The following NUDT7 variants were observed in gnomAD, a reference collection of about 807,000 sequenced individuals.
NUDT7 encodes peroxisomal coenzyme A diphosphatase NUDT7.
In NUDT7, 19 loss-of-function variants were observed where a neutral mutation model predicts 13.1. That is an observed-to-expected ratio of 1.45 (90% CI 1.01 to 2.13). The LOEUF (loss-of-function observed/expected upper bound fraction) is 2.13. NUDT7 is among the 30% of genes most tolerant of loss of function. NUDT7 has a pLI of 0.00. For synonymous variants in NUDT7, 132 were observed against 109.7 expected, an observed-to-expected ratio of 1.20 and a Z score of -1.27; for missense variants, 360 against 291.7, an observed-to-expected ratio of 1.23 and a Z score of -1.71.
chr16:77,727,646 G>A (rs1242139102), intron 2 of NUDT7, among the ~76,000 whole-genome samples: 3 of 152,256 alleles, frequency 2.0e-5, no homozygotes, highest in Non-Finnish European at 2.9e-5. Context: ...CCTGAGGTCA[G>A]GAGTTCGAGA....
intron 2 of NUDT7, among the ~76,000 whole-genome samples, chr16:77,731,302 A>G (rs921920411): frequency 1.3e-5 from 2 of 152,198 alleles, no homozygotes; most frequent in Admixed American, 6.5e-5. Flanking sequence ...ACCTTTCAAA[A>G]TACAGTCATG....
chr16:77,726,237 C>G (rs1462564687), intron 2 of NUDT7, among the ~76,000 whole-genome samples: 1 of 152,220 alleles, frequency 6.6e-6, no homozygotes, highest in African/African-American at 2.4e-5. Context: ...AGTCTTTTCA[C>G]TTGTAAAATG....
rs751745672 is a variant in NUDT7, at chr16:77,733,128, T to A, written c.190-2700T>A. Among the ~76,000 whole-genome samples, 537 of 152,226 alleles carry A rather than the reference T, an allele frequency of 3.5e-3. 2 individuals carry two copies. Among genetic ancestry groups the A allele is most frequent in the Non-Finnish European group, 5.4e-3 (368 of 68,002 alleles). ...CAGCACAGAAGGACTTAAAAAAAAA[T>A]TTTTAAGTCTTGCCCAAATGAGGCT... On this transcript the variant is annotated intron_variant, in intron 2 of 3. Coordinates refer to ENST00000268533, the MANE Select transcript of NUDT7 (RefSeq NM_001105663.3).
At chr16:77,740,791 G>A (rs562829374) in intron 3 of NUDT7, among the ~76,000 whole-genome samples, 42 of 151,632 alleles carry the variant, frequency 2.8e-4, no homozygotes, top group East Asian at 2.3e-3. Context: ...CAGGTGGTCC[G>A]CCCACCTCAG....
At chr16:77,723,224 G>C (rs761112026) in intron 1 of NUDT7, among the ~76,000 whole-genome samples, 4 of 152,102 alleles carry the variant, frequency 2.6e-5, no homozygotes, top group African/African-American at 9.7e-5. Context: ...GTGGTTTCCG[G>C]GTGGTTAAAA....
At position 77,741,716 on chromosome 16, in the gene NUDT7, T is replaced by G. The variant is rs2014668796; in HGVS notation, c.483T>G (p.His161Gln). The change falls in exon 4 of 4, where the codon CAT becomes CAG. Residue 161 changes from histidine to glutamine, a missense_variant. Transcript: ENST00000268533. ...TGCATCCACAGGTCCATGACCAGCATTACGTCACACGTCTTGGTCACCGTT... is the reference window on the plus strand; with the variant it reads ...TGCATCCACAGGTCCATGACCAGCAGTACGTCACACGTCTTGGTCACCGTT... ...YFLHPQVHDQ[H>Q]YVTRLGHRFI... is the part of the protein sequence containing the mutation. The G allele has an allele frequency of 1.2e-6, 2 of 1,614,034 alleles. No individual in the cohort carries two copies. The highest frequency in any genetic ancestry group is 1.7e-6 in the Non-Finnish European group (2 of 1,180,034).
intron 2 of NUDT7, among the ~76,000 whole-genome samples, chr16:77,727,012 C>T (rs539449853): frequency 1.2e-3 from 178 of 152,098 alleles, no homozygotes; most frequent in Non-Finnish European, 2.0e-3. Context: ...TAAATGGCCC[C>T]GGATCTCATG....
In NUDT7 at chr16:77,739,881, T is replaced by C. The variant is rs769076806; in HGVS notation, c.349-1701T>C. ...TGGGGAGCATGAAATCCCAGCTCCC[T>C]TGTCTCCATGTGGGACAAACTGCAT... On this transcript the variant is annotated intron_variant, in intron 3 of 3. Transcript: ENST00000268533. Among the ~76,000 whole-genome samples the C allele has an allele frequency of 5.9e-5, 9 of 152,134 alleles. 1 individual carries two copies.
rs13330878 is a variant in NUDT7, at chr16:77,736,260, C to G, written c.348+274C>G. The stretch of plus-strand genomic sequence containing the variant: ...GATGCCATAGAACCCTAGAGAGATG[C>G]TTCAGAATTATTAACATTCAGTTCA... On this transcript the variant is annotated intron_variant, in intron 3 of 3. Transcript: ENST00000268533. 21 of 324,734 alleles carry G rather than the reference C, an allele frequency of 6.5e-5. No homozygotes were observed. In the South Asian group the frequency reaches 1.6e-3, roughly 24 times the overall value. 20.1% of individuals were successfully genotyped at this position (324,734 alleles called of 1,614,324 possible).
rs2014686323 is a variant in NUDT7, at chr16:77,742,078, T to A, written c.*128T>A. 12 of 1,439,564 alleles carry A rather than the reference T, an allele frequency of 8.3e-6. No individual in the cohort carries two copies. In the South Asian group the frequency reaches 2.0e-4, roughly 24 times the overall value. The allele number at this position is 1,439,564 out of a possible 1,614,324, so 89.2% of individuals were successfully genotyped here. On this transcript the variant is annotated 3_prime_UTR_variant, in exon 4 of 4. Coordinates refer to ENST00000268533, the MANE Select transcript of NUDT7 (RefSeq NM_001105663.3). ...TTTTTTCTGCAGTATGTAGTTAGAA[T>A]CCTTGCCTCTTTTCCAGTTGCCTTC...
Position 77,722,520 on chromosome 16 carries a change from C to T in NUDT7, c.-63C>T. On this transcript the variant is annotated 5_prime_UTR_variant, in exon 1 of 4. Transcript: ENST00000268533. ...CGCTCCCAAGCCCAGAGCTGCTCTG[C>T]GCAAGCGCGACCGACCGAGCAGCTC... 3 of 1,471,654 alleles carry T rather than the reference C, an allele frequency of 2.0e-6. No individual in the cohort carries two copies. The highest frequency in any genetic ancestry group is 1.9e-6 in the Non-Finnish European group (2 of 1,076,082). 91.2% of individuals were successfully genotyped at this position (1,471,654 alleles called of 1,614,324 possible).
chr16:77,734,108 G>T (rs528170419), intron 2 of NUDT7, among the ~76,000 whole-genome samples: 1 of 151,906 alleles, frequency 6.6e-6, no homozygotes. Context: ...ACCAACACAC[G>T]CAAAGATAAA....
intron 2 of NUDT7, chr16:77,735,473 G>A (rs1379242055): frequency 4.6e-6 from 3 of 655,290 alleles, no homozygotes; most frequent in Non-Finnish European, 8.3e-6. Flanking sequence ...CCAAGCAGAC[G>A]CCAGCATCAT....
rs543942383 is a variant in NUDT7 at position 77,724,189 on chromosome 16, C to T, written c.36-1242C>T. ...TCTGGCATTCCTTGGCTCACAGCAGCATCACTTCAACCTCTGCCGCCATCT... is the reference window on the plus strand; with the variant it reads ...TCTGGCATTCCTTGGCTCACAGCAGTATCACTTCAACCTCTGCCGCCATCT... On this transcript the variant is annotated intron_variant, in intron 1 of 3. Coordinates refer to ENST00000268533, the MANE Select transcript of NUDT7 (RefSeq NM_001105663.3). Among the ~76,000 whole-genome samples, 15 of 152,204 alleles carry T rather than the reference C, an allele frequency of 9.9e-5. No homozygotes were observed. In the South Asian group the frequency reaches 3.1e-3, roughly 32 times the overall value.
At chr16:77,734,594 C>T (rs1250876839) in intron 2 of NUDT7, among the ~76,000 whole-genome samples, 2 of 152,028 alleles carry the variant, frequency 1.3e-5, no homozygotes, top group African/African-American at 4.8e-5. Flanking sequence ...TGCACTCCAG[C>T]GTGGGACACA....
intron 3 of NUDT7, 179 bp downstream of exon 3, chr16:77,736,165 G>A (rs888891007): frequency 7.1e-6 from 4 of 565,108 alleles, no homozygotes; most frequent in Non-Finnish European, 1.3e-5. Context: ...AACCCCTTTT[G>A]CCTCTCCGGA....
intron 1 of NUDT7, among the ~76,000 whole-genome samples, chr16:77,724,535 T>G (rs2014066855): frequency 6.6e-6 from 1 of 152,064 alleles, no homozygotes; most frequent in South Asian, 2.1e-4. Context: ...AACCTCCCAG[T>G]GTTGGGATTA....
At chr16:77,738,776 AC>A (rs1262053979) in intron 3 of NUDT7, among the ~76,000 whole-genome samples, 33 of 151,882 alleles carry the variant, frequency 2.2e-4, no homozygotes, top group Admixed American at 2.2e-3. Flanking sequence ...TGACACCACA[AC>A]CCCCACCCCA....
intron 2 of NUDT7, among the ~76,000 whole-genome samples, chr16:77,733,524 G>A (rs1215948467): frequency 6.6e-6 from 1 of 152,158 alleles, no homozygotes; most frequent in Non-Finnish European, 1.5e-5. Context: ...TGGATTCATG[G>A]GAGAATAAAC....
Sources: gnomAD v4.1 joint callset for allele counts (sites outside exome capture counted in the v4.1 genomes callset) on GRCh38, gnomAD v4.1.1 for gene constraint, MANE v1.5 for transcripts, NCBI Gene and HGNC (gene_info 2026-07-23, HGNC 2026-07-21) for gene names.